Variants in CNTN4 observed in about 807,000 individuals in gnomAD.
The protein encoded by CNTN4 is contactin-4.
CNTN4 carries 77 observed loss-of-function variants against 122.5 expected under a neutral mutation model. The observed-to-expected ratio is 0.63, with a 90% CI of 0.52 to 0.76. CNTN4 has a LOEUF of 0.76. Among genes scored for constraint, CNTN4 ranks in the 30% least tolerant of loss-of-function variants. The probability of loss-of-function intolerance (pLI) is 0.00; values close to 1 mark genes in which losing one functional copy is unlikely to be tolerated. For synonymous variants in CNTN4, 512 were observed against 447.0 expected (o/e 1.15, Z -1.83); for missense variants, 1,256 against 1,259.1 (o/e 1.00, Z 0.04).
At chr3:2,730,831 C>A (rs1320097454) in intron 4 of CNTN4, among the ~76,000 whole-genome samples, 2 of 152,000 alleles carry the variant, frequency 1.3e-5, no homozygotes, top group Non-Finnish European at 2.9e-5. Context: ...TTCTCTTGCC[C>A]AGCCTCGCTT....
chr3:2,969,915 C>T (rs1179792049), intron 13 of CNTN4, among the ~76,000 whole-genome samples: 2 of 152,186 alleles, frequency 1.3e-5, no homozygotes, highest in East Asian at 1.9e-4. Flanking sequence ...TCAGACTCTT[C>T]CCCTGTGTAG....
chr3:2,849,686 G>A (rs905420550), intron 7 of CNTN4, among the ~76,000 whole-genome samples: 4 of 152,192 alleles, frequency 2.6e-5, no homozygotes, highest in Non-Finnish European at 5.9e-5. Context: ...ATTGATGGAC[G>A]TCAGGAGGAT....
chr3:2,188,472 T>C (rs1380181168), intron 2 of CNTN4, among the ~76,000 whole-genome samples: 2 of 152,144 alleles, frequency 1.3e-5, no homozygotes, highest in East Asian at 3.9e-4. Context: ...GCTGGAGGGA[T>C]GGAGGCTTCC....
At chr3:2,496,843 T>C (rs1332324906) in intron 3 of CNTN4, among the ~76,000 whole-genome samples, 2 of 152,186 alleles carry the variant, frequency 1.3e-5, no homozygotes, top group African/African-American at 4.8e-5. Flanking sequence ...TTGTGGGAAT[T>C]GGCTCTCACA....
chr3:2,133,366 A>G (rs561319434), intron 2 of CNTN4, among the ~76,000 whole-genome samples: 4 of 152,296 alleles, frequency 2.6e-5, no homozygotes, highest in African/African-American at 9.6e-5. Flanking sequence ...CATAAAATGC[A>G]TCTCTATGAG....
intron 4 of CNTN4, among the ~76,000 whole-genome samples, chr3:2,605,450 C>A (rs534581541): frequency 5.9e-5 from 9 of 152,066 alleles, no homozygotes; most frequent in Non-Finnish European, 1.0e-4. Flanking sequence ...TCTGGATGAG[C>A]TGGGAAGCAT....
chr3:2,385,369 A>C lies in CNTN4; in HGVS notation c.-89+46136A>C, dbSNP rs1326697437. On this transcript the variant is annotated intron_variant, in intron 3 of 24. Transcript: ENST00000418658. This position sits in a 1 kb window ranked among gnomAD's most constrained non-coding sequence, Gnocchi z 4.0. ...TTGTTGCACTGAATAACCTATTAGC[A>C]TACTTAAGGCAGAGTCTTTGTCCTT... Among the ~76,000 whole-genome samples, 1 of 152,222 alleles carries C rather than the reference A, an allele frequency of 6.6e-6. No individual in the cohort carries two copies. Among genetic ancestry groups the C allele is most frequent in the African/African-American group, 2.4e-5 (1 of 41,572 alleles).
At chr3:2,449,688 C>G (rs1251191195) in intron 3 of CNTN4, among the ~76,000 whole-genome samples, 2 of 151,434 alleles carry the variant, frequency 1.3e-5, no homozygotes, top group African/African-American at 2.4e-5. Flanking sequence ...GACATATATC[C>G]AGAAGTGGTA....
intron 4 of CNTN4, among the ~76,000 whole-genome samples, chr3:2,586,198 G>C (rs959071013): frequency 6.6e-6 from 1 of 152,110 alleles, no homozygotes; most frequent in African/African-American, 2.4e-5. Flanking sequence ...CACCTACTTT[G>C]TCCTAGTCAA....
At chr3:3,016,272 G>C (rs935636464) in intron 14 of CNTN4, among the ~76,000 whole-genome samples, 3 of 152,090 alleles carry the variant, frequency 2.0e-5, no homozygotes, top group Non-Finnish European at 4.4e-5. Flanking sequence ...CGTAAAGAAA[G>C]CTTCAAAAAG....
chr3:2,313,022 A>G (rs1335286165), intron 2 of CNTN4, among the ~76,000 whole-genome samples: 1 of 152,080 alleles, frequency 6.6e-6, no homozygotes, highest in Non-Finnish European at 1.5e-5. Flanking sequence ...TTATCACATG[A>G]CATATTGTAA....
chr3:2,178,452 G>GT (rs1258891061), intron 2 of CNTN4, among the ~76,000 whole-genome samples: 2 of 149,490 alleles, frequency 1.3e-5, no homozygotes, highest in South Asian at 2.1e-4. Context: ...CTGTGATTTA[G>GT]AAAAAAAAAA....
chr3:2,804,928 A>T (rs563825814), intron 6 of CNTN4, among the ~76,000 whole-genome samples: 5 of 152,246 alleles, frequency 3.3e-5, no homozygotes, highest in African/African-American at 9.6e-5. Context: ...TAATCCCAAC[A>T]CTTTGGGAGG....
chr3:2,284,677 A>G (rs2041841296), intron 2 of CNTN4, among the ~76,000 whole-genome samples: 1 of 152,046 alleles, frequency 6.6e-6, no homozygotes, highest in Admixed American at 6.6e-5. Context: ...CCTGCAATAG[A>G]GCTATTAAAA....
intron 12 of CNTN4, among the ~76,000 whole-genome samples, chr3:2,923,582 T>C (rs1012812603): frequency 3.3e-5 from 5 of 152,180 alleles, no homozygotes; most frequent in Admixed American, 6.5e-5. Context: ...GTTGGTGCAG[T>C]GTGGCCACGT....
At chr3:2,680,236 G>C (rs1002420504) in intron 4 of CNTN4, among the ~76,000 whole-genome samples, 2 of 152,146 alleles carry the variant, frequency 1.3e-5, no homozygotes, top group African/African-American at 4.8e-5. Flanking sequence ...TAGCAAATCA[G>C]CCAAGCGAGG....
At chr3:2,657,261 A>G (rs2083634714) in intron 4 of CNTN4, among the ~76,000 whole-genome samples, 1 of 152,218 alleles carries the variant, frequency 6.6e-6, no homozygotes, top group Non-Finnish European at 1.5e-5. Context: ...CCTATTTTAC[A>G]TTGAATACAC....
chr3:2,170,812 T>A (rs532193500), intron 2 of CNTN4, among the ~76,000 whole-genome samples: 1 of 152,202 alleles, frequency 6.6e-6, no homozygotes, highest in East Asian at 1.9e-4. Context: ...TCAATAGAAA[T>A]AGAACAAACC....
At chr3:3,000,790 A>T (rs1335624168) in intron 14 of CNTN4, among the ~76,000 whole-genome samples, 2 of 151,808 alleles carry the variant, frequency 1.3e-5, no homozygotes, top group African/African-American at 4.8e-5. Flanking sequence ...TTCTGCCCTA[A>T]TGTGCTTCTA....
Sources: allele counts gnomAD v4.1 joint callset (sites outside exome capture counted in the v4.1 genomes callset), GRCh38; gene constraint gnomAD v4.1.1; non-coding constraint Gnocchi (gnomAD v3.1); transcripts MANE v1.5; gene names NCBI Gene and HGNC (gene_info 2026-07-23, HGNC 2026-07-21).